GSTZ1: variants seen among roughly 807,000 people sequenced by gnomAD.
GSTZ1 encodes the protein maleylacetoacetate isomerase.
GSTZ1 carries 34 observed loss-of-function variants against 35.9 expected under a neutral mutation model. The observed-to-expected ratio is 0.95, with a 90% CI of 0.72 to 1.26. GSTZ1 has a LOEUF of 1.26. Among genes scored for constraint, GSTZ1 ranks in the 50% most tolerant of loss-of-function variants. GSTZ1 has a pLI of 0.00. For missense variants in GSTZ1, 263 were observed against 271.7 expected (o/e 0.97, Z 0.23); for synonymous variants, 93 against 101.2 (o/e 0.92, Z 0.49).
At position 77,329,128 on chromosome 14, in the gene GSTZ1, GTC is replaced by G. The variant is rs780464896; in HGVS notation, c.350_351del (p.Ser117CysfsTer23). On this transcript the variant is annotated frameshift_variant, in exon 6 of 9. Transcript: ENST00000216465. LOFTEE classifies it high-confidence loss of function. ...ATTTTCTTTGGGCTGCACAGAACCTGTCTGTCCTGAAGCAAGTGGGAGAGGAG... is the reference window on the plus strand; with the variant it reads ...ATTTTCTTTGGGCTGCACAGAACCTGTGTCCTGAAGCAAGTGGGAGAGGAG... ...AGGIQPLQNL[S>X]VLKQVGEEMQ... The G allele has an allele frequency of 2.5e-6, 4 of 1,610,802 alleles. No homozygotes were observed. In the South Asian group the frequency reaches 4.4e-5, roughly 18 times the overall value.
intron 6 of GSTZ1, 118 bp from the exon 7 acceptor site, chr14:77,329,637 C>A: frequency 1.3e-6 from 1 of 786,812 alleles, no homozygotes; most frequent in Non-Finnish European, 2.3e-6. Flanking sequence ...CACCAGCAGC[C>A]ATGCCCAGTC....
rs1891900419 is a variant in GSTZ1, at chr14:77,321,076, C to G, written c.-93C>G. The G allele has an allele frequency of 1.9e-5, 24 of 1,268,982 alleles. No homozygotes were observed. The highest frequency in any genetic ancestry group is 2.6e-5 in the Non-Finnish European group (24 of 939,412). 78.6% of individuals were successfully genotyped at this position (1,268,982 alleles called of 1,614,324 possible). The stretch of plus-strand genomic sequence containing the variant: ...GCTTTACCCGGACGAAAGACACGGG[C>G]CTGATTCGTCGAGTCTCACTGAGCC... On this transcript the variant is annotated 5_prime_UTR_variant, in exon 1 of 9. Transcript: ENST00000216465.
Position 77,331,408 on chromosome 14 carries a change from G to A in GSTZ1, c.*213G>A. On this transcript the variant is annotated 3_prime_UTR_variant, in exon 9 of 9. Coordinates refer to ENST00000216465, the MANE Select transcript of GSTZ1 (RefSeq NM_145870.3). ...GAGATGCGGGGAGCAGGGTGGGCAG[G>A]AATACTGTTATCTATGTGACGGGGC... is the stretch of plus-strand genomic sequence containing the variant. The A allele has an allele frequency of 1.8e-6, 1 of 547,578 alleles. No individual in the cohort carries two copies. Among genetic ancestry groups the A allele is most frequent in the Non-Finnish European group, 3.2e-6 (1 of 310,434 alleles). 33.9% of individuals were successfully genotyped at this position (547,578 alleles called of 1,614,324 possible). A position where few individuals can be genotyped will look rare whatever the true frequency, so the allele number is the denominator to read the frequency against.
chr14:77,330,107 A>T (rs1448756649), intron 7 of GSTZ1: 1 of 708,100 alleles, frequency 1.4e-6, no homozygotes, highest in African/African-American at 1.7e-5. Flanking sequence ...TGTCAGGGCA[A>T]CTGGAGCATG....
At chr14:77,324,191 GGA>G (rs1193883249) in intron 1 of GSTZ1, 1 of 156,736 alleles carries the variant, frequency 6.4e-6, no homozygotes, top group Non-Finnish European at 1.3e-5. Context: ...GTCTCGCTCT[GGA>G]GTGCAGTGGT....
rs1891916614 is a variant in GSTZ1 at position 77,321,198 on chromosome 14, C to T, written c.15+15C>T. On this transcript the variant is annotated intron_variant, in intron 1 of 8. Coordinates refer to ENST00000216465, the MANE Select transcript of GSTZ1 (RefSeq NM_145870.3). ...AGGCGGGGAAGGTCTGTGACGCGCA[C>T]CCGGGTGGAGGGAAGCTGGTTAGAC... 1 of 1,488,190 alleles carries T rather than the reference C, an allele frequency of 6.7e-7. No homozygotes were observed. Among genetic ancestry groups the T allele is most frequent in the South Asian group, 1.3e-5 (1 of 77,094 alleles). 92.2% of individuals were successfully genotyped at this position (1,488,190 alleles called of 1,614,324 possible).
chr14:77,321,649 C>G lies in GSTZ1; in HGVS notation c.15+466C>G, dbSNP rs367955480. 157 of 529,626 alleles carry G rather than the reference C, an allele frequency of 3.0e-4. No individual in the cohort carries two copies. In the African/African-American group the frequency reaches 3.1e-3, roughly 10 times the overall value. 32.8% of individuals were successfully genotyped at this position (529,626 alleles called of 1,614,324 possible). On this transcript the variant is annotated intron_variant, in intron 1 of 8. Transcript: ENST00000216465. ...CTGTAATCCCAGCACTTTGGGAGGC[C>G]GAGGCGGGCGGATCACAAGGTCAGG...
At chr14:77,325,017 T>A in intron 2 of GSTZ1, 96 bp downstream of exon 2, 1 of 1,052,308 alleles carries the variant, frequency 9.5e-7, no homozygotes, top group Non-Finnish European at 1.5e-6. Context: ...GAAGGGTTGC[T>A]CTGTCAGAGA....
In GSTZ1 at chr14:77,329,787, A is replaced by G. The variant is rs1892523437; in HGVS notation, c.454A>G (p.Ile152Val). The G allele has an allele frequency of 6.2e-7, 1 of 1,613,820 alleles. No homozygotes were observed. The highest frequency in any genetic ancestry group is 8.5e-7 in the Non-Finnish European group (1 of 1,179,684). ...LEQILQSTAG[I>V]YCVGDEVTMA... is the part of the protein sequence containing the mutation. The stretch of plus-strand genomic sequence containing the variant: ...GCAGATCCTACAGAGCACAGCGGGC[A>G]TATACTGTGTAGGAGACGAGGTAAG... Residue 152 changes from isoleucine to valine, a missense_variant, in exon 7 of 9, where the codon ATA becomes GTA. By Grantham distance (29) the Ile-to-Val change is conservative (BLOSUM62 3). Transcript: ENST00000216465.
At chr14:77,331,033 G>GA (rs1278368372) in intron 8 of GSTZ1, 36 bp from the exon 9 acceptor site, 20 of 1,603,220 alleles carry the variant, frequency 1.2e-5, no homozygotes, top group Non-Finnish European at 1.4e-5. Context: ...CTGTGTCCCT[G>GA]AAAACCTTAG....
intron 1 of GSTZ1, chr14:77,321,482 C>G: frequency 6.8e-7 from 1 of 1,476,210 alleles, no homozygotes; most frequent in Non-Finnish European, 9.0e-7. Context: ...AGACCCCTCC[C>G]TCCACTAAGG....
Position 77,331,147 on chromosome 14 carries a change from G to A in GSTZ1, c.603G>A (p.Val201=), listed in dbSNP as rs1450891711. 2.5e-6 allele frequency: 4 copies of A among 1,614,124 alleles called. No homozygotes were observed. Among genetic ancestry groups the A allele is most frequent in the Non-Finnish European group, 3.4e-6 (4 of 1,180,004 alleles). The stretch of plus-strand genomic sequence containing the variant: ...TGCTGGTCTTGGAGGCCTTCCAGGT[G>A]TCTCACCCCTGCCGGCAGCCAGATA... The part of the protein sequence containing the change: ...KRLLVLEAFQ[V]SHPCRQPDTP... Residue 201 remains valine, a synonymous_variant, in exon 9 of 9, where the codon GTG becomes GTA. Transcript: ENST00000216465.
intron 1 of GSTZ1, among the ~76,000 whole-genome samples, chr14:77,322,133 A>G (rs1389496505): frequency 1.3e-5 from 2 of 152,222 alleles, no homozygotes; most frequent in African/African-American, 2.4e-5. Flanking sequence ...CGTCACGTTA[A>G]TAATGTATAG....
At chr14:77,323,095 C>A (rs1892112989) in intron 1 of GSTZ1, 1 of 152,114 alleles carries the variant, frequency 6.6e-6, no homozygotes, top group South Asian at 2.1e-4. Context: ...AACTTTGAGC[C>A]CCTTAAACCT....
In GSTZ1 at chr14:77,321,083, C is replaced by T. The variant is rs1352795808; in HGVS notation, c.-86C>T. 1.5e-6 allele frequency: 2 copies of T among 1,306,976 alleles called. No homozygotes were observed. Among genetic ancestry groups the T allele is most frequent in the Non-Finnish European group, 2.1e-6 (2 of 974,022 alleles). The allele number at this position is 1,306,976 out of a possible 1,614,324, so 81.0% of individuals were successfully genotyped here. A position where few individuals can be genotyped will look rare whatever the true frequency, so the allele number is the denominator to read the frequency against. ...CCGGACGAAAGACACGGGCCTGATT[C>T]GTCGAGTCTCACTGAGCCTTAGTCG... On this transcript the variant is annotated 5_prime_UTR_variant, in exon 1 of 9. Transcript: ENST00000216465.
rs201037059 is a variant in GSTZ1, at chr14:77,329,805, G to A, written c.472G>A (p.Glu158Lys). Residue 158 changes from glutamate (E) to lysine (K), a missense_variant and splice_region_variant, in exon 7 of 9, where the codon GAG (glutamate) becomes AAG (lysine). Glu to Lys is a moderately conservative substitution (Grantham distance 56, BLOSUM62 1). Transcript: ENST00000216465. ...STAGIYCVGD[E>K]VTMADLCLVP... ...AGCGGGCATATACTGTGTAGGAGAC[G>A]AGGTAAGCTGTCCCCAGACCTCCCC... The A allele has an allele frequency of 1.7e-5, 27 of 1,612,568 alleles. No homozygotes were observed. The highest frequency in any genetic ancestry group is 1.2e-4 in the Admixed American group (7 of 60,018).
intron 5 of GSTZ1, 75 bp from the exon 6 acceptor site, chr14:77,329,048 C>A: frequency 9.6e-7 from 1 of 1,040,504 alleles, no homozygotes; most frequent in Non-Finnish European, 1.5e-6. Context: ...AGTGAACTTC[C>A]CTGAGGGGGT....
rs569479963 is a variant in GSTZ1 at position 77,328,218 on chromosome 14, C to T, written c.342+181C>T. On this transcript the variant is annotated intron_variant, in intron 5 of 8. Transcript: ENST00000216465. The stretch of plus-strand genomic sequence containing the variant: ...ATCGCAATCTCAGAATTCAGCCCCC[C>T]AGCGGGTCCCCCGCTGCGTTCCGAG... The T allele has an allele frequency of 2.9e-5, 19 of 648,862 alleles. No homozygotes were observed. In the African/African-American group the frequency reaches 3.1e-4, roughly 11 times the overall value. The allele number at this position is 648,862 out of a possible 1,614,324, so 40.2% of individuals were successfully genotyped here. A position where few individuals can be genotyped will look rare whatever the true frequency, so the allele number is the denominator to read the frequency against.
chr14:77,328,150 C>A (rs745561666), intron 5 of GSTZ1, 113 bp downstream of exon 5: 2 of 1,037,692 alleles, frequency 1.9e-6, no homozygotes, highest in South Asian at 1.5e-5. Context: ...GAGGGGGATT[C>A]TCAGGGCCTC....
Sources: allele counts gnomAD v4.1 joint callset (sites outside exome capture counted in the v4.1 genomes callset), GRCh38; gene constraint gnomAD v4.1.1; transcripts MANE v1.5; gene names NCBI Gene and HGNC (gene_info 2026-07-23, HGNC 2026-07-21).